Variants in COL22A1 observed in about 807,000 individuals in gnomAD.
COL22A1 encodes collagen alpha-1(XXII) chain.
Under a neutral mutation model 248.9 loss-of-function variants are expected in COL22A1, and 221 were observed. That is an observed-to-expected ratio of 0.89 (90% CI 0.80 to 0.99). The LOEUF is 0.99. Ranked by LOEUF, COL22A1 falls within the 50% of genes least tolerant of loss-of-function variation. The probability of loss-of-function intolerance (pLI) is 0.00; values close to 1 mark genes in which losing one functional copy is unlikely to be tolerated. For missense variants in COL22A1, 2,240 were observed against 2,179.0 expected (o/e 1.03, Z -0.56); for synonymous variants, 891 against 793.4 (o/e 1.12, Z -2.07).
Position 138,779,502 on chromosome 8 carries a change from C to T in COL22A1, c.1704+7G>A. On this transcript the variant is annotated splice_region_variant and intron_variant, in intron 14 of 64. Coordinates refer to ENST00000303045, the MANE Select transcript of COL22A1 (RefSeq NM_152888.3). Reference sequence around the variant, plus strand: ...ATCAGAAGGGCCCAGCTCACAGCAACACTCACCCGCATGCCGACCTCACCC... The same window carrying T: ...ATCAGAAGGGCCCAGCTCACAGCAATACTCACCCGCATGCCGACCTCACCC... 1 of 1,608,606 alleles carries T rather than the reference C, an allele frequency of 6.2e-7. No individual in the cohort carries two copies. Among genetic ancestry groups the T allele is most frequent in the East Asian group, 2.2e-5 (1 of 44,846 alleles).
chr8:138,596,795 C>T (rs1268310773), intron 62 of COL22A1, 109 bp downstream of exon 62: 3 of 974,568 alleles, frequency 3.1e-6, no homozygotes, highest in Admixed American at 1.9e-5. Context: ...ACTTGAGCTG[C>T]CGGTCAAGTG....
rs539796599 is a variant in COL22A1 at position 138,660,931 on chromosome 8, C to T, written c.3241-451G>A. Among the ~76,000 whole-genome samples, 218 of 149,310 alleles carry T rather than the reference C, an allele frequency of 1.5e-3. 1 individual carries two copies. Among genetic ancestry groups the T allele is most frequent in the African/African-American group, 5.4e-3 (216 of 40,226 alleles). On this transcript the variant is annotated intron_variant, in intron 43 of 64. Transcript: ENST00000303045. ...ACATACACAGACACACACACAGACA[C>T]ACAGACACACACATAAACACACAGA...
chr8:138,654,319 G>GA (rs1402222899), intron 45 of COL22A1, among the ~76,000 whole-genome samples: 3 of 151,838 alleles, frequency 2.0e-5, no homozygotes, highest in Non-Finnish European at 2.9e-5. Context: ...CTTGAATGTG[G>GA]AAAAAAAATA....
chr8:138,828,544 TAA>T (rs1159997507), intron 5 of COL22A1, among the ~76,000 whole-genome samples: 1 of 152,194 alleles, frequency 6.6e-6, no homozygotes, highest in East Asian at 1.9e-4. Context: ...TCATTTGACA[TAA>T]GAGTCTAAGA....
chr8:138,872,191 C>T (rs117651237), intron 3 of COL22A1, among the ~76,000 whole-genome samples: 4 of 152,152 alleles, frequency 2.6e-5, no homozygotes, highest in African/African-American at 9.7e-5. Flanking sequence ...TACTCCCACC[C>T]TCAGTCGTAT....
At chr8:138,604,917 G>A (rs1818307887) in intron 58 of COL22A1, 148 bp from the exon 59 acceptor site, 1 of 779,360 alleles carries the variant, frequency 1.3e-6, no homozygotes. Context: ...ATCCCAGACA[G>A]GCTCTCTGGC....
intron 45 of COL22A1, among the ~76,000 whole-genome samples, chr8:138,655,477 G>A (rs768526368): frequency 6.6e-6 from 1 of 152,176 alleles, no homozygotes; most frequent in Admixed American, 6.5e-5. Context: ...TCCTACCTCA[G>A]CCTCCTGAGT....
chr8:138,854,272 G>A lies in COL22A1; in HGVS notation c.659-10114C>T, dbSNP rs561640156. 2.1e-4 allele frequency among the ~76,000 whole-genome samples: 32 copies of A among 152,302 alleles called. No individual in the cohort carries two copies. In the South Asian group the frequency reaches 5.2e-3, roughly 25 times the overall value. ...ATCCTGGGTGTCCACCATCTGCTGG[G>A]ACATGACCACTACACCTGGATCCTA... On this transcript the variant is annotated intron_variant, in intron 3 of 64. Transcript: ENST00000303045.
At chr8:138,606,289 T>G in intron 58 of COL22A1, 92 bp downstream of exon 58, 1 of 1,165,210 alleles carries the variant, frequency 8.6e-7, no homozygotes, top group East Asian at 2.5e-5. Context: ...CAGACAGAAC[T>G]GAGGACACAG....
At chr8:138,734,009 A>C (rs957278574) in intron 23 of COL22A1, among the ~76,000 whole-genome samples, 1 of 152,096 alleles carries the variant, frequency 6.6e-6, no homozygotes, top group Non-Finnish European at 1.5e-5. Context: ...GAAATTATTC[A>C]AACTGTCCAA....
rs556581779 is a variant in COL22A1 at position 138,637,894 on chromosome 8, A to G, written c.3502-1099T>C. Among the ~76,000 whole-genome samples, 81 of 152,038 alleles carry G rather than the reference A, an allele frequency of 5.3e-4. 1 individual carries two copies. In the South Asian group the frequency reaches 0.016, roughly 31 times the overall value. The stretch of plus-strand genomic sequence containing the variant: ...AACCATCATCACCATAATCACTATC[A>G]TAATCATGATCACCATCAACATCAG... On this transcript the variant is annotated intron_variant, in intron 47 of 64. Coordinates refer to ENST00000303045, the MANE Select transcript of COL22A1 (RefSeq NM_152888.3).
intron 27 of COL22A1, among the ~76,000 whole-genome samples, chr8:138,717,641 A>G (rs528420924): frequency 6.6e-6 from 1 of 152,242 alleles, no homozygotes; most frequent in East Asian, 1.9e-4. Context: ...TTAAAAAAAA[A>G]TTCTGTAGAG....
At position 138,688,905 on chromosome 8, in the gene COL22A1, T is replaced by C. The variant is rs771711161; in HGVS notation, c.2862+12A>G. ...TATTCACTTGTGTGCTGAGAGATCA[T>C]ATTGGTCTTACCTTCTCACCACGCT... On this transcript the variant is annotated intron_variant, in intron 37 of 64. Transcript: ENST00000303045. 1.2e-6 allele frequency: 2 copies of C among 1,608,686 alleles called. No individual in the cohort carries two copies. Among genetic ancestry groups the C allele is most frequent in the Non-Finnish European group, 1.7e-6 (2 of 1,175,116 alleles).
intron 30 of COL22A1, among the ~76,000 whole-genome samples, chr8:138,704,790 G>A (rs1053537174): frequency 1.3e-5 from 2 of 152,232 alleles, no homozygotes; most frequent in African/African-American, 4.8e-5. Context: ...TTGATGAGTT[G>A]ATAGAAGTAG....
intron 4 of COL22A1, among the ~76,000 whole-genome samples, chr8:138,835,996 C>A (rs759525625): frequency 6.6e-6 from 1 of 152,204 alleles, no homozygotes; most frequent in Non-Finnish European, 1.5e-5. Context: ...GTCAGCCAAG[C>A]ACAATGGCTC....
chr8:138,857,379 C>T (rs2131937415), intron 3 of COL22A1, among the ~76,000 whole-genome samples: 1 of 152,350 alleles, frequency 6.6e-6, no homozygotes, highest in African/African-American at 2.4e-5. Context: ...CTCACATGAC[C>T]ACACCCTTCC....
chr8:138,880,977 G>T (rs896695685), intron 2 of COL22A1, among the ~76,000 whole-genome samples: 4 of 152,242 alleles, frequency 2.6e-5, no homozygotes, highest in Non-Finnish European at 4.4e-5. Flanking sequence ...TTGTGTGCCC[G>T]TGAGGCTGGA....
intron 10 of COL22A1, among the ~76,000 whole-genome samples, 156 bp downstream of exon 10, chr8:138,807,612 C>T (rs1457914808): frequency 6.6e-6 from 1 of 152,152 alleles, no homozygotes; most frequent in Non-Finnish European, 1.5e-5. Flanking sequence ...GGATTTCAGA[C>T]TTTATGACAT....
intron 47 of COL22A1, among the ~76,000 whole-genome samples, chr8:138,646,344 C>T (rs1204624557): frequency 1.3e-5 from 2 of 152,110 alleles, no homozygotes; most frequent in African/African-American, 4.8e-5. Flanking sequence ...GGCGTCTGAC[C>T]ACAAAACTCA....
Sources: allele counts gnomAD v4.1 joint callset (sites outside exome capture counted in the v4.1 genomes callset), GRCh38; gene constraint gnomAD v4.1.1; transcripts MANE v1.5; gene names NCBI Gene and HGNC (gene_info 2026-07-23, HGNC 2026-07-21).